The following RBM41 variants were observed in gnomAD, a reference collection of about 807,000 sequenced individuals.
RBM41 encodes the protein RNA-binding protein 41.
A neutral mutation model predicts 30.8 loss-of-function variants in RBM41; 14 were observed. The observed-to-expected ratio is 0.45, with a 90% CI of 0.30 to 0.71. RBM41 has a LOEUF of 0.71. Ranked by LOEUF, RBM41 falls within the 30% of genes least tolerant of loss-of-function variation. The probability of loss-of-function intolerance (pLI) is 0.08; values close to 1 mark genes in which losing one functional copy is unlikely to be tolerated. For synonymous variants in RBM41, 120 were observed against 110.1 expected, an observed-to-expected ratio of 1.09 and a Z score of -0.56; for missense variants, 276 against 326.3, an observed-to-expected ratio of 0.85 and a Z score of 1.19.
intron 6 of RBM41, among the ~76,000 whole-genome samples, chrX:107,078,089 T>C (rs992517548): frequency 4.5e-5 from 5 of 111,671 alleles, no homozygotes; most frequent in Non-Finnish European, 7.5e-5. Context: ...TTATGGATTA[T>C]TGGGAAGAAA....
chrX:107,089,014 C>T (rs2097747431), intron 5 of RBM41, among the ~76,000 whole-genome samples, 175 bp from the exon 6 acceptor site: 1 of 111,140 alleles, frequency 9.0e-6, no homozygotes, highest in African/African-American at 3.3e-5. Flanking sequence ...ATATTTCAAG[C>T]AGAACTATAG....
intron 6 of RBM41, among the ~76,000 whole-genome samples, chrX:107,076,316 C>CAAATAAATAAATAAAT (rs55848548): frequency 3.2e-5 from 3 of 92,766 alleles, no homozygotes; most frequent in African/African-American, 8.1e-5. Flanking sequence ...GACTCCGTCT[C>CAAATAAATAAATAAAT]AAATAAATAA....
At chrX:107,075,153 A>G (rs776675034) in intron 6 of RBM41, among the ~76,000 whole-genome samples, 7 of 112,167 alleles carry the variant, frequency 6.2e-5, no homozygotes, top group Admixed American at 9.5e-5. Flanking sequence ...AGAATATAAC[A>G]TGAGAAAAAG....
At chrX:107,082,358 T>C (rs1921605033) in intron 6 of RBM41, among the ~76,000 whole-genome samples, 2 of 111,961 alleles carry the variant, frequency 1.8e-5, no homozygotes, top group Admixed American at 9.5e-5. Flanking sequence ...CTGGAATAAA[T>C]CATACTTGAT....
downstream of RBM41, among the ~76,000 whole-genome samples, chrX:107,061,502 A>T (rs1347090944): frequency 8.9e-6 from 1 of 112,158 alleles, no homozygotes; most frequent in Non-Finnish European, 1.9e-5. Flanking sequence ...AAAGTTATAT[A>T]CATTGTACAC....
At chrX:107,072,718 A>G (rs749366810) in intron 6 of RBM41, among the ~76,000 whole-genome samples, 1 of 112,021 alleles carries the variant, frequency 8.9e-6, no homozygotes, top group East Asian at 2.8e-4. Flanking sequence ...AGCTGGAGGA[A>G]CTGCACTACC....
At chrX:107,075,285 G>A (rs747455117) in intron 6 of RBM41, among the ~76,000 whole-genome samples, 1 of 111,892 alleles carries the variant, frequency 8.9e-6, no homozygotes, top group South Asian at 3.7e-4. Flanking sequence ...TTAAATATAC[G>A]ACCTGAGACT....
intron 6 of RBM41, among the ~76,000 whole-genome samples, chrX:107,086,928 C>A (rs1183300086): frequency 9.0e-6 from 1 of 111,504 alleles, no homozygotes; most frequent in African/African-American, 3.3e-5. Context: ...CATATTGAGT[C>A]AAAAAGGTTG....
chrX:107,068,528 C>T (rs1395271317), intron 7 of RBM41, among the ~76,000 whole-genome samples: 1 of 111,326 alleles, frequency 9.0e-6, no homozygotes, highest in Non-Finnish European at 1.9e-5. Context: ...CTGAAAACCA[C>T]TGGTATAGCG....
intron 5 of RBM41, 99 bp downstream of exon 5, chrX:107,113,297 TA>T: frequency 1.1e-6 from 1 of 915,356 alleles, no homozygotes; most frequent in Non-Finnish European, 1.4e-6. Flanking sequence ...TCATTTCCTA[TA>T]AACATTGTCA....
chrX:107,068,758 G>A (rs905511351), intron 7 of RBM41, among the ~76,000 whole-genome samples: 1 of 111,789 alleles, frequency 8.9e-6, no homozygotes, highest in Non-Finnish European at 1.9e-5. Context: ...ACTGAAATTT[G>A]CATATTATTC....
chrX:107,098,998 G>GA (rs375921504), intron 5 of RBM41, among the ~76,000 whole-genome samples: 182 of 99,184 alleles, frequency 1.8e-3, no homozygotes, highest in African/African-American at 6.0e-3. Context: ...CTTTGTCTCA[G>GA]AAAAAAAAAA....
intron 3 of RBM41, 73 bp downstream of exon 3, chrX:107,115,789 T>G (rs185206515): frequency 9.2e-7 from 1 of 1,081,598 alleles, no homozygotes; most frequent in Non-Finnish European, 1.2e-6. Context: ...AGGCTCTCAG[T>G]GCTAAAATGA....
At chrX:107,090,285 A>G (rs983009501) in intron 5 of RBM41, among the ~76,000 whole-genome samples, 9 of 110,892 alleles carry the variant, frequency 8.1e-5, no homozygotes, top group African/African-American at 3.0e-4. Flanking sequence ...GAGGCAGGAG[A>G]ATTGCTTGAA....
At chrX:107,116,157 A>C in intron 2 of RBM41, 103 bp from the exon 3 acceptor site, 1 of 997,891 alleles carries the variant, frequency 1.0e-6, no homozygotes, top group Non-Finnish European at 1.3e-6. Context: ...TCACCAGCAA[A>C]TTTTCTCTTA....
chrX:107,114,131 T>C (rs1368862830), intron 4 of RBM41, among the ~76,000 whole-genome samples: 3 of 111,614 alleles, frequency 2.7e-5, no homozygotes, highest in African/African-American at 9.8e-5. Context: ...GACACATACC[T>C]CTGCATTGAC....
At chrX:107,106,137 T>C in intron 5 of RBM41, among the ~76,000 whole-genome samples, 1 of 111,474 alleles carries the variant, frequency 9.0e-6, no homozygotes, top group East Asian at 2.8e-4. Context: ...AGGGCTAATA[T>C]CCAGAATCTA....
At chrX:107,102,378 G>T (rs1023855543) in intron 5 of RBM41, among the ~76,000 whole-genome samples, 1 of 111,454 alleles carries the variant, frequency 9.0e-6, no homozygotes, top group African/African-American at 3.3e-5. Flanking sequence ...CTTGATGATT[G>T]GGAAAATTCT....
At position 107,115,977 on chromosome X, in the gene RBM41, G is replaced by A; in HGVS notation, c.203C>T (p.Thr68Ile). 1 of 1,208,708 alleles carries A rather than the reference G, an allele frequency of 8.3e-7. No homozygotes were observed. The highest frequency in any genetic ancestry group is 1.1e-6 in the Non-Finnish European group (1 of 894,376). ...PFGKEAAGTM[T>I]LSQFQTLHEK... ...ATGCAGTGTCTGGAATTGGGACAAA[G>A]TCATAGTCCCAGCTGCTTCCTTCCC... The change falls in exon 3 of 8, where the codon ACT becomes ATT. Residue 68 changes from threonine to isoleucine, a missense_variant. By Grantham distance (89) the Thr-to-Ile change is moderately conservative. Transcript: ENST00000685964.
Sources: gnomAD v4.1 joint callset for allele counts (sites outside exome capture counted in the v4.1 genomes callset) on GRCh38, gnomAD v4.1.1 for gene constraint, MANE v1.5 for transcripts, NCBI Gene and HGNC (gene_info 2026-07-23, HGNC 2026-07-21) for gene names.